LSM7: variants seen among roughly 807,000 people sequenced by gnomAD.
The protein encoded by LSM7 is U6 snRNA-associated Sm-like protein LSm7.
In LSM7, 13 loss-of-function variants were observed where a neutral mutation model predicts 14.1. The observed-to-expected ratio is 0.92, with a 90% CI of 0.60 to 1.47. The LOEUF (loss-of-function observed/expected upper bound fraction) is 1.47, where lower values mean the gene tolerates loss of function less well. Ranked by LOEUF, LSM7 falls within the 40% of genes most tolerant of loss-of-function variation. The pLI is 0.00. For missense variants in LSM7, 108 were observed against 140.8 expected (o/e 0.77, Z 1.18); for synonymous variants, 70 against 57.1 (o/e 1.23, Z -1.02).
intron 3 of LSM7, 33 bp downstream of exon 3, chr19:2,324,092 C>T (rs1308232532): frequency 2.2e-6 from 3 of 1,358,146 alleles, no homozygotes; most frequent in Non-Finnish European, 2.9e-6. Flanking sequence ...TCCCCCTCGT[C>T]CCGCTGCCTG....
chr19:2,322,760 T>C (rs907562118), intron 3 of LSM7, among the ~76,000 whole-genome samples: 3 of 152,196 alleles, frequency 2.0e-5, no homozygotes, highest in Non-Finnish European at 4.4e-5. Context: ...GTTGCTCAGG[T>C]TGGAGTGCAG....
At chr19:2,323,148 C>CT (rs1967959972) in intron 3 of LSM7, among the ~76,000 whole-genome samples, 1 of 152,148 alleles carries the variant, frequency 6.6e-6, no homozygotes, top group Non-Finnish European at 1.5e-5. Flanking sequence ...GCAGGAGCTT[C>CT]TGGGGGAGAG....
chr19:2,325,729 C>G (rs537719152), intron 2 of LSM7, among the ~76,000 whole-genome samples: 1 of 152,260 alleles, frequency 6.6e-6, no homozygotes, highest in Non-Finnish European at 1.5e-5. Flanking sequence ...GTCAGAGTCT[C>G]GCTGGCCCAC....
rs536693129 is a variant in LSM7, at chr19:2,325,273, C to T, written c.98-1077G>A. On this transcript the variant is annotated intron_variant, in intron 2 of 3. Coordinates refer to ENST00000252622, the MANE Select transcript of LSM7 (RefSeq NM_016199.3). ...GAAGGGTGAAGGGGGAGCTGTGTGT[C>T]CCCAGCAGAGGCCAGCCCACCCTCT... 8.5e-5 allele frequency among the ~76,000 whole-genome samples: 13 copies of T among 152,222 alleles called. No homozygotes were observed. In the East Asian group the frequency reaches 2.5e-3, roughly 29 times the overall value.
Position 2,321,718 on chromosome 19 carries a change from C to G in LSM7, c.274G>C (p.Ala92Pro). 1 of 1,567,774 alleles carries G rather than the reference C, an allele frequency of 6.4e-7. No homozygotes were observed. Among genetic ancestry groups the G allele is most frequent in the Non-Finnish European group, 8.6e-7 (1 of 1,158,490 alleles). Residue 92 changes from alanine (A) to proline (P), a missense_variant, in exon 4 of 4, where the codon GCC becomes CCC. Physicochemically the swap from Ala to Pro is conservative, Grantham distance 27 (BLOSUM62 -1). Transcript: ENST00000252622. This position sits in a 1 kb window ranked among gnomAD's most constrained non-coding sequence, Gnocchi z 5.0. ...VLICPQDGME[A>P]IPNPFIQQQD... ...TGCTGGATGAAGGGGTTGGGGATGG[C>G]CTCCATGCCGTCCTGCGGGCAGATT...
chr19:2,327,448 GGC>G (rs1968053639), intron 2 of LSM7, among the ~76,000 whole-genome samples: 1 of 152,094 alleles, frequency 6.6e-6, no homozygotes, highest in Non-Finnish European at 1.5e-5. Flanking sequence ...TCACCACGTA[GGC>G]CAGGATGGTC....
intron 2 of LSM7, 173 bp downstream of exon 2, chr19:2,328,214 G>A: frequency 1.7e-6 from 1 of 593,782 alleles, no homozygotes; most frequent in Non-Finnish European, 2.9e-6. Context: ...AGGTTGCAGT[G>A]AGCTGAGATC....
At chr19:2,322,060 C>T (rs1967943262) in intron 3 of LSM7, among the ~76,000 whole-genome samples, 2 of 152,212 alleles carry the variant, frequency 1.3e-5, no homozygotes, top group South Asian at 2.1e-4. Context: ...TCCCTCACTC[C>T]ACAAACCATG....
intron 3 of LSM7, among the ~76,000 whole-genome samples, chr19:2,323,490 A>G (rs968282722): frequency 1.3e-5 from 2 of 152,124 alleles, no homozygotes; most frequent in African/African-American, 2.4e-5. Context: ...TCACTCTGTT[A>G]CTCAGGCTGG....
rs1210623320 is a variant in LSM7, at chr19:2,328,431, T to C, written c.53A>G (p.Tyr18Cys). 1.9e-6 allele frequency: 3 copies of C among 1,613,976 alleles called. No homozygotes were observed. The East Asian group carries it at 6.7e-5, about 36-fold the overall frequency. The part of the protein sequence containing the change: ...KKESILDLSK[Y>C]IDKTIRVKFQ... The stretch of plus-strand genomic sequence containing the variant: ...CTTTACCCGGATCGTCTTGTCGATG[T>C]ACTTGGACAAGTCCAAGATGCTCTC... Residue 18 changes from tyrosine (Y) to cysteine (C), a missense_variant, in exon 2 of 4, where the codon TAC becomes TGC. Tyr to Cys is a radical substitution (Grantham distance 194, BLOSUM62 -2). Transcript: ENST00000252622.
Position 2,325,360 on chromosome 19 carries a change from C to T in LSM7, c.98-1164G>A, listed in dbSNP as rs147359056. Among the ~76,000 whole-genome samples, 573 of 152,084 alleles carry T rather than the reference C, an allele frequency of 3.8e-3. 6 individuals are homozygous for T. Among genetic ancestry groups the T allele is most frequent in the African/African-American group, 0.013 (555 of 41,494 alleles). ...TGCAGCCGAGGCCCAGCAGCAGCTC[C>T]ACCTCTGCGCTCACTGAGGGGCGTC... On this transcript the variant is annotated intron_variant, in intron 2 of 3. Coordinates refer to ENST00000252622, the MANE Select transcript of LSM7 (RefSeq NM_016199.3).
intron 3 of LSM7, among the ~76,000 whole-genome samples, chr19:2,323,487 G>T (rs1967964888): frequency 6.6e-6 from 1 of 152,180 alleles, no homozygotes; most frequent in African/African-American, 2.4e-5. Context: ...GTCTCACTCT[G>T]TTACTCAGGC....
intron 2 of LSM7, among the ~76,000 whole-genome samples, chr19:2,325,683 C>A (rs993635495): frequency 1.3e-5 from 2 of 152,276 alleles, no homozygotes; most frequent in South Asian, 4.2e-4. Flanking sequence ...CAAACTACGA[C>A]CCCCAGGTGA....
chr19:2,328,291 TAA>T, intron 2 of LSM7, 94 bp downstream of exon 2: 1 of 1,039,046 alleles, frequency 9.6e-7, no homozygotes, highest in Admixed American at 2.6e-5. Context: ...TGAAAATAAA[TAA>T]AAGAGGTGCT....
At chr19:2,326,498 A>G (rs1968020699) in intron 2 of LSM7, among the ~76,000 whole-genome samples, 1 of 152,094 alleles carries the variant, frequency 6.6e-6, no homozygotes, top group Non-Finnish European at 1.5e-5. Context: ...ACCATGCCCA[A>G]ATAATTTTTG....
rs1366445053 is a variant in LSM7 at position 2,324,211 on chromosome 19, C to A, written c.98-15G>T. ...GATTCCACTGGCTTGGAGAAATCAC[C>A]GGGGGAGAGAAAAGAGAAGGCATGA... On this transcript the variant is annotated splice_polypyrimidine_tract_variant and intron_variant, in intron 2 of 3. Transcript: ENST00000252622. 5 of 1,564,526 alleles carry A rather than the reference C, an allele frequency of 3.2e-6. No individual in the cohort carries two copies. The highest frequency in any genetic ancestry group is 1.7e-4 in the Middle Eastern group (1 of 6,034).
chr19:2,324,229 A>C, intron 2 of LSM7, 33 bp from the exon 3 acceptor site: 1 of 1,523,184 alleles, frequency 6.6e-7, no homozygotes, highest in Non-Finnish European at 8.9e-7. Flanking sequence ...AGAAAAGAGA[A>C]GGCATGAGAT....
intron 3 of LSM7, 62 bp downstream of exon 3, chr19:2,324,063 T>A: frequency 1.3e-5 from 4 of 315,118 alleles, no homozygotes; most frequent in African/African-American, 3.6e-5. Flanking sequence ...CTCGTCCCGC[T>A]GCCCCCCTCA....
intron 3 of LSM7, among the ~76,000 whole-genome samples, chr19:2,323,890 A>G (rs1202270794): frequency 1.3e-5 from 2 of 152,188 alleles, no homozygotes; most frequent in Non-Finnish European, 2.9e-5. Context: ...CCCCACAACA[A>G]TGGGGTTTCC....
Sources: gnomAD v4.1 joint callset for allele counts (sites outside exome capture counted in the v4.1 genomes callset) on GRCh38, gnomAD v4.1.1 for gene constraint, Gnocchi (gnomAD v3.1) non-coding constraint, MANE v1.5 for transcripts, NCBI Gene and HGNC (gene_info 2026-07-23, HGNC 2026-07-21) for gene names.